Variants in ASTN2 observed in about 807,000 individuals in gnomAD.
The protein encoded by ASTN2 is astrotactin 2.
Under a neutral mutation model 139.8 loss-of-function variants are expected in ASTN2, and 54 were observed. The ratio of observed to expected loss-of-function variants is 0.39; its 90% CI spans 0.31 to 0.48. ASTN2 has a LOEUF of 0.48. ASTN2 is among the 20% of genes least tolerant of loss of function. The probability of loss-of-function intolerance (pLI) is 0.95; values close to 1 mark genes in which losing one functional copy is unlikely to be tolerated. For missense variants in ASTN2, 1,565 were observed against 1,725.1 expected (o/e 0.91, Z 1.64); for synonymous variants, 756 against 719.5 (o/e 1.05, Z -0.81).
Position 117,057,171 on chromosome 9 carries a change from T to C in ASTN2, c.1277-17206A>G, listed in dbSNP as rs533041719. ...CTATGATTATTAACAGCAGAGACCA[T>C]AGACCCAGTGAATTATCATGGTTCC... On this transcript the variant is annotated intron_variant, in intron 5 of 22. Transcript: ENST00000313400. Among the ~76,000 whole-genome samples, 28 of 152,346 alleles carry C rather than the reference T, an allele frequency of 1.8e-4. No homozygotes were observed. The South Asian group carries it at 5.6e-3, about 30-fold the overall frequency.
intron 13 of ASTN2, among the ~76,000 whole-genome samples, chr9:116,788,790 G>A (rs374756810): frequency 6.6e-6 from 1 of 151,940 alleles, no homozygotes; most frequent in Non-Finnish European, 1.5e-5. Context: ...ATGACAAGGG[G>A]TGACAGTAAA....
intron 13 of ASTN2, among the ~76,000 whole-genome samples, chr9:116,804,080 C>T (rs1002012662): frequency 2.6e-5 from 4 of 152,082 alleles, no homozygotes; most frequent in African/African-American, 7.2e-5. Context: ...CCTTTTCCAT[C>T]TTATGCCCAA....
intron 7 of ASTN2, among the ~76,000 whole-genome samples, chr9:116,980,898 A>T (rs955175222): frequency 1.4e-4 from 21 of 152,094 alleles, no homozygotes; most frequent in African/African-American, 4.8e-4. Context: ...GCTTCTGCAC[A>T]CCCAGAGCAG....
intron 19 of ASTN2, among the ~76,000 whole-genome samples, chr9:116,616,780 G>GAC (rs59771463): frequency 0.32 from 48,590 of 149,550 alleles, 8,125 homozygotes; most frequent in South Asian, 0.45. Context: ...GAAGGACAAA[G>GAC]ACACACACAC....
chr9:116,565,351 TTCTCTCTCTC>T (rs772428232), intron 19 of ASTN2, among the ~76,000 whole-genome samples: 1 of 36,006 alleles, frequency 2.8e-5, no homozygotes, highest in Non-Finnish European at 5.1e-5. Context: ...AAGACACTGT[TTCTCTCTCTC>T]TCTCTCTCTC....
chr9:117,034,406 C>A (rs1344332615), intron 6 of ASTN2, among the ~76,000 whole-genome samples: 1 of 152,092 alleles, frequency 6.6e-6, no homozygotes, highest in Non-Finnish European at 1.5e-5. Flanking sequence ...CACATTATAT[C>A]CAATGCTAAT....
At chr9:116,842,903 C>CCACG (rs1020144346) in intron 11 of ASTN2, among the ~76,000 whole-genome samples, 3 of 152,024 alleles carry the variant, frequency 2.0e-5, no homozygotes, top group African/African-American at 7.2e-5. Context: ...AGAATGAAAA[C>CCACG]CACGCCCCTG....
At chr9:116,670,237 T>C (rs1380700406) in intron 16 of ASTN2, among the ~76,000 whole-genome samples, 1 of 152,200 alleles carries the variant, frequency 6.6e-6, no homozygotes, top group African/African-American at 2.4e-5. Flanking sequence ...GCTAGTATTG[T>C]CAAACTATGT....
intron 3 of ASTN2, among the ~76,000 whole-genome samples, chr9:117,183,878 T>G (rs1190014944): frequency 6.6e-6 from 1 of 152,166 alleles, no homozygotes; most frequent in Admixed American, 6.5e-5. Flanking sequence ...TCTACTGCCC[T>G]CCCTCTGGAT....
In ASTN2 at chr9:117,414,393, G is replaced by C; in HGVS notation, c.442+104C>G. On this transcript the variant is annotated intron_variant, in intron 1 of 22. Coordinates refer to ENST00000313400, the MANE Select transcript of ASTN2 (RefSeq NM_001365068.1). This position sits in a 1 kb window ranked among gnomAD's most constrained non-coding sequence, Gnocchi z 4.2. Reference sequence around the variant, plus strand: ...CCTCTACCCTCTGCCAACCCCACTCGGGGCAGCCCCGGGCAGGGATCCCCA... The same window carrying C: ...CCTCTACCCTCTGCCAACCCCACTCCGGGCAGCCCCGGGCAGGGATCCCCA... The C allele has an allele frequency of 1.3e-6, 2 of 1,525,472 alleles. No homozygotes were observed. Among genetic ancestry groups the C allele is most frequent in the Non-Finnish European group, 8.8e-7 (1 of 1,137,698 alleles). 94.5% of individuals were successfully genotyped at this position (1,525,472 alleles called of 1,614,324 possible). A position where few individuals can be genotyped will look rare whatever the true frequency, so the allele number is the denominator to read the frequency against.
At chr9:117,273,868 G>A (rs567282673) in intron 2 of ASTN2, among the ~76,000 whole-genome samples, 1 of 152,144 alleles carries the variant, frequency 6.6e-6, no homozygotes, top group Non-Finnish European at 1.5e-5. Flanking sequence ...TGACCTCCTG[G>A]TGCAGAAATG....
intron 16 of ASTN2, among the ~76,000 whole-genome samples, chr9:116,682,231 T>G (rs1859924234): frequency 6.6e-6 from 1 of 152,176 alleles, no homozygotes; most frequent in Non-Finnish European, 1.5e-5. Flanking sequence ...GAGCAGACAC[T>G]TCTCAAAAGA....
intron 13 of ASTN2, among the ~76,000 whole-genome samples, chr9:116,767,267 A>G (rs967728924): frequency 3.3e-5 from 5 of 152,078 alleles, no homozygotes; most frequent in African/African-American, 1.2e-4. Flanking sequence ...CTCACACCCT[A>G]GGTACCCTCC....
At chr9:116,563,307 A>G (rs60716541) in intron 19 of ASTN2, among the ~76,000 whole-genome samples, 23,993 of 151,752 alleles carry the variant, frequency 0.16, 2,062 homozygotes, top group African/African-American at 0.21. Context: ...CCCGGGAGGC[A>G]GAGTTTGCAG....
chr9:116,953,690 C>T (rs1835629375), intron 10 of ASTN2, among the ~76,000 whole-genome samples: 1 of 152,152 alleles, frequency 6.6e-6, no homozygotes, highest in Non-Finnish European at 1.5e-5. Context: ...TTGAGCATCT[C>T]CTGAGTGCAA....
intron 20 of ASTN2, 28 bp downstream of exon 20, chr9:116,487,331 T>C (rs749231349): frequency 2.5e-6 from 4 of 1,610,552 alleles, no homozygotes; most frequent in East Asian, 2.2e-5. Context: ...GTCTGCCTCA[T>C]GATCCCCACA....
chr9:116,901,944 G>A (rs1168125431), intron 10 of ASTN2, among the ~76,000 whole-genome samples: 2 of 152,150 alleles, frequency 1.3e-5, no homozygotes, highest in African/African-American at 4.8e-5. Flanking sequence ...AGAATTACTT[G>A]AACCCGGGAG....
At chr9:117,040,324 T>C (rs1838521346) in intron 5 of ASTN2, among the ~76,000 whole-genome samples, 1 of 152,210 alleles carries the variant, frequency 6.6e-6, no homozygotes, top group Admixed American at 6.5e-5. Flanking sequence ...AGTGAGAAGA[T>C]ACCATGCTGT....
intron 6 of ASTN2, among the ~76,000 whole-genome samples, chr9:117,034,291 A>C (rs1838323996): frequency 6.6e-6 from 1 of 152,180 alleles, no homozygotes; most frequent in Admixed American, 6.6e-5. Context: ...GTTTAATATT[A>C]ACCAATAACT....
Sources: gnomAD v4.1 joint callset for allele counts (sites outside exome capture counted in the v4.1 genomes callset) on GRCh38, gnomAD v4.1.1 for gene constraint, Gnocchi (gnomAD v3.1) non-coding constraint, MANE v1.5 for transcripts, NCBI Gene and HGNC (gene_info 2026-07-23, HGNC 2026-07-21) for gene names.